The following KATNAL2 variants were observed in gnomAD, a reference collection of about 807,000 sequenced individuals.
KATNAL2 encodes the protein katanin p60 ATPase-containing subunit A-like 2.
Under a neutral mutation model 76.3 loss-of-function variants are expected in KATNAL2, and 52 were observed. That is an observed-to-expected ratio of 0.68 (90% confidence interval 0.55 to 0.86). The LOEUF (loss-of-function observed/expected upper bound fraction) is 0.86. KATNAL2 is among the 40% of genes least tolerant of loss of function. KATNAL2 has a pLI of 0.00. For missense variants in KATNAL2, 660 were observed against 668.9 expected (o/e 0.99, Z 0.15); for synonymous variants, 243 against 244.2 (o/e 1.00, Z 0.05).
intron 1 of KATNAL2, 147 bp downstream of exon 1, chr18:46,918,073 G>C (rs1400616956): frequency 6.6e-6 from 1 of 152,110 alleles, no homozygotes; most frequent in East Asian, 1.9e-4. Flanking sequence ...GTTAGGCGGT[G>C]GGGTTGGGGG....
chr18:46,962,106 G>A (rs2059994852), intron 3 of KATNAL2, among the ~76,000 whole-genome samples: 1 of 150,752 alleles, frequency 6.6e-6, no homozygotes, highest in Admixed American at 6.6e-5. Flanking sequence ...GAGCAAATAG[G>A]ATTTTGGCTC....
At chr18:46,938,883 A>G (rs1255782974) in intron 1 of KATNAL2, among the ~76,000 whole-genome samples, 1 of 152,086 alleles carries the variant, frequency 6.6e-6, no homozygotes, top group Non-Finnish European at 1.5e-5. Flanking sequence ...TATGGAATAT[A>G]TCACTACCTC....
chr18:47,101,088 T>C lies in KATNAL2; in HGVS notation c.*83T>C. On this transcript the variant is annotated 3_prime_UTR_variant, in exon 18 of 18. Transcript: ENST00000683218. Reference sequence around the variant, plus strand: ...AATGTCCGTGGGAGAACAAAATGATTGGAATGGAAAAGAGAAAATTATTTT... The same window carrying C: ...AATGTCCGTGGGAGAACAAAATGATCGGAATGGAAAAGAGAAAATTATTTT... The C allele has an allele frequency of 3.3e-6, 5 of 1,492,854 alleles. No homozygotes were observed. The highest frequency in any genetic ancestry group is 4.6e-6 in the Non-Finnish European group (5 of 1,083,282). The allele number at this position is 1,492,854 out of a possible 1,614,324, so 92.5% of individuals were successfully genotyped here.
At chr18:47,055,182 C>T (rs1315636270) in intron 6 of KATNAL2, among the ~76,000 whole-genome samples, 1 of 152,204 alleles carries the variant, frequency 6.6e-6, no homozygotes, top group Non-Finnish European at 1.5e-5. Flanking sequence ...TTCAGAAATA[C>T]CCAGGGGAAC....
At chr18:47,066,328 G>T (rs2061790835) in intron 10 of KATNAL2, among the ~76,000 whole-genome samples, 1 of 152,138 alleles carries the variant, frequency 6.6e-6, no homozygotes, top group African/African-American at 2.4e-5. Flanking sequence ...TTGAAGTTTG[G>T]AAACTGTAAA....
intron 1 of KATNAL2, among the ~76,000 whole-genome samples, chr18:46,920,503 G>A (rs1284125167): frequency 6.6e-6 from 1 of 152,136 alleles, no homozygotes; most frequent in Non-Finnish European, 1.5e-5. Context: ...GTACTGGCCA[G>A]TTTTCTTGAG....
intron 13 of KATNAL2, among the ~76,000 whole-genome samples, chr18:47,071,019 T>C (rs1485516364): frequency 6.6e-6 from 1 of 152,218 alleles, no homozygotes; most frequent in African/African-American, 2.4e-5. Context: ...GCCCTTCAAC[T>C]GCACGGGTCT....
chr18:46,956,446 C>G (rs1447024229), intron 3 of KATNAL2, among the ~76,000 whole-genome samples: 2 of 152,212 alleles, frequency 1.3e-5, no homozygotes, highest in Non-Finnish European at 2.9e-5. Context: ...GAGCTGCTCT[C>G]TCTCTGCCCC....
intron 3 of KATNAL2, among the ~76,000 whole-genome samples, chr18:46,961,573 C>A (rs1227124576): frequency 6.6e-6 from 1 of 152,212 alleles, no homozygotes; most frequent in Non-Finnish European, 1.5e-5. Context: ...TTTAAATTCT[C>A]CCCTAGCTGA....
At position 47,077,421 on chromosome 18, in the gene KATNAL2, G is replaced by A. The variant is rs773516223; in HGVS notation, c.1171G>A (p.Glu391Lys). ...LVQMDGLARSEDLVFVLAASN... is the reference protein window; with the variant it reads ...LVQMDGLARSKDLVFVLAASN... Reference sequence around the variant, plus strand: ...GCAGATGGATGGGCTGGCACGCTCAGAAGATCTCGTATTTGTCTTAGCAGC... The same window carrying A: ...GCAGATGGATGGGCTGGCACGCTCAAAAGATCTCGTATTTGTCTTAGCAGC... The change falls in exon 15 of 18, where the codon GAA becomes AAA. Residue 391 changes from glutamate (E) to lysine (K), a missense_variant. Coordinates refer to ENST00000683218, the MANE Select transcript of KATNAL2 (RefSeq NM_001387690.1). 2.5e-6 allele frequency: 4 copies of A among 1,613,994 alleles called. No homozygotes were observed. Among genetic ancestry groups the A allele is most frequent in the Admixed American group, 1.7e-5 (1 of 60,004 alleles).
At chr18:46,926,997 T>C (rs891502798) in intron 1 of KATNAL2, among the ~76,000 whole-genome samples, 2 of 152,202 alleles carry the variant, frequency 1.3e-5, no homozygotes, top group African/African-American at 4.8e-5. Flanking sequence ...TGAGATGGGT[T>C]TCCTGAATAC....
At chr18:47,084,396 T>C (rs560374244) in intron 15 of KATNAL2, 3 of 702,774 alleles carry the variant, frequency 4.3e-6, no homozygotes, top group Middle Eastern at 2.3e-4. Flanking sequence ...AAGGTCTTGA[T>C]TGTGCCTTCA....
intron 3 of KATNAL2, among the ~76,000 whole-genome samples, chr18:47,037,528 C>T (rs1452731850): frequency 6.6e-6 from 1 of 152,086 alleles, no homozygotes; most frequent in Non-Finnish European, 1.5e-5. Flanking sequence ...GGGAATGGCT[C>T]ATTCTTAGTT....
chr18:47,033,158 G>T (rs866270879), intron 3 of KATNAL2: 1 of 1,614,064 alleles, frequency 6.2e-7, no homozygotes. Flanking sequence ...GGGAGCCAGC[G>T]AAGGATGCTG....
chr18:47,031,511 G>A (rs1180776314), intron 3 of KATNAL2, among the ~76,000 whole-genome samples: 2 of 152,026 alleles, frequency 1.3e-5, no homozygotes, highest in African/African-American at 2.4e-5. Context: ...ATGGGGATTC[G>A]GGTGTTAAGC....
chr18:47,035,915 ATGT>A (rs2146975512), intron 3 of KATNAL2, among the ~76,000 whole-genome samples: 1 of 152,316 alleles, frequency 6.6e-6, no homozygotes, highest in East Asian at 1.9e-4. Flanking sequence ...CCTAGGACTG[ATGT>A]TGTGTGAGGG....
intron 3 of KATNAL2, among the ~76,000 whole-genome samples, chr18:47,045,329 CTTTT>C (rs10533284): frequency 7.2e-6 from 1 of 139,492 alleles, no homozygotes; most frequent in African/African-American, 2.6e-5. Context: ...CTTTTCTTTT[CTTTT>C]TTTTTTTTTT....
Position 46,917,687 on chromosome 18 carries a change from C to A in KATNAL2, c.-749C>A. On this transcript the variant is annotated 5_prime_UTR_variant, in exon 1 of 18. Coordinates refer to ENST00000683218, the MANE Select transcript of KATNAL2 (RefSeq NM_001387690.1). ...CCCGCTCGGCCCCAGGTCGTGCCTT[C>A]CCTCCCCGGCGGAGGCCCCTGCGGA... 1 of 451,896 alleles carries A rather than the reference C, an allele frequency of 2.2e-6. No individual in the cohort carries two copies. The highest frequency in any genetic ancestry group is 2.9e-6 in the Non-Finnish European group (1 of 340,926). The allele number at this position is 451,896 out of a possible 1,614,324, so 28.0% of individuals were successfully genotyped here. A position where few individuals can be genotyped will look rare whatever the true frequency, so the allele number is the denominator to read the frequency against.
chr18:47,095,446 C>T (rs1349134381), intron 15 of KATNAL2, among the ~76,000 whole-genome samples: 2 of 152,164 alleles, frequency 1.3e-5, no homozygotes, highest in Non-Finnish European at 2.9e-5. Flanking sequence ...TTTATAAGTG[C>T]TCACTCTGTC....
Sources: allele counts gnomAD v4.1 joint callset (sites outside exome capture counted in the v4.1 genomes callset), GRCh38; gene constraint gnomAD v4.1.1; transcripts MANE v1.5; gene names NCBI Gene and HGNC (gene_info 2026-07-23, HGNC 2026-07-21).